Variants in BUB1B observed in about 807,000 individuals in gnomAD.
The protein encoded by BUB1B is BUB1 mitotic checkpoint serine/threonine kinase B.
A neutral mutation model predicts 137.7 loss-of-function variants in BUB1B; 86 were observed. That is an observed-to-expected ratio of 0.62 (90% CI 0.52 to 0.75). BUB1B has a LOEUF of 0.75. BUB1B is among the 30% of genes least tolerant of loss of function. BUB1B has a pLI of 0.00. For synonymous variants in BUB1B, 420 were observed against 417.9 expected, an observed-to-expected ratio of 1.00 and a Z score of -0.06; for missense variants, 1,130 against 1,236.9, an observed-to-expected ratio of 0.91 and a Z score of 1.30.
intron 2 of BUB1B, among the ~76,000 whole-genome samples, chr15:40,167,593 G>A (rs1472921565): frequency 6.6e-6 from 1 of 151,986 alleles, no homozygotes; most frequent in Non-Finnish European, 1.5e-5. Context: ...CGCCCGCCTC[G>A]GCCTCCCAGA....
intron 20 of BUB1B, 79 bp from the exon 21 acceptor site, chr15:40,217,417 C>T: frequency 1.7e-6 from 2 of 1,181,856 alleles, no homozygotes; most frequent in Non-Finnish European, 1.2e-6. Flanking sequence ...CCCAAGGTAC[C>T]TTTTTTTTTT....
chr15:40,183,828 C>A lies in BUB1B; in HGVS notation c.696C>A (p.Ser232Arg), dbSNP rs1341919179. ...GAAGCACACTAGCTGAACTAAAGAG[C>A]AAAGGGAAAAAGACAGCAAGAGCTC... ...PQRSTLAELK[S>R]KGKKTARAPI... Residue 232 changes from serine (S) to arginine (R), a missense_variant, in exon 6 of 23, where the codon AGC becomes AGA. By Grantham distance (110) the Ser-to-Arg change is moderately radical (BLOSUM62 -1). Coordinates refer to ENST00000287598, the MANE Select transcript of BUB1B (RefSeq NM_001211.6). 1 of 1,614,008 alleles carries A rather than the reference C, an allele frequency of 6.2e-7. No individual in the cohort carries two copies. The highest frequency in any genetic ancestry group is 1.7e-5 in the Admixed American group (1 of 60,016).
At chr15:40,166,472 T>C (rs2140879322) in intron 2 of BUB1B, 2 of 335,556 alleles carry the variant, frequency 6.0e-6, no homozygotes, top group Non-Finnish European at 1.1e-5. Context: ...CCTGAGTAGC[T>C]GGGACTACAG....
At chr15:40,184,960 G>A (rs2037340668) in intron 6 of BUB1B, among the ~76,000 whole-genome samples, 1 of 152,040 alleles carries the variant, frequency 6.6e-6, no homozygotes, top group African/African-American at 2.4e-5. Flanking sequence ...GGAAAAGAAG[G>A]CAGAATATAA....
At chr15:40,188,204 C>A (rs962019412) in intron 8 of BUB1B, among the ~76,000 whole-genome samples, 36 of 152,002 alleles carry the variant, frequency 2.4e-4, no homozygotes, top group African/African-American at 8.5e-4. Flanking sequence ...CGGGCCACCA[C>A]GCCCGGCTGA....
rs1802286 is a variant in BUB1B, at chr15:40,218,461, C to T, written c.2856C>T (p.Asp952=). Reference sequence around the variant, plus strand: ...GGTGCTTTTTGTGATTTCAGGTAGACCTGTTTGGTATAGCAGATTTAGCAC... The same window carrying T: ...GGTGCTTTTTGTGATTTCAGGTAGATCTGTTTGGTATAGCAGATTTAGCAC... ...LANCSSPYQV[D]LFGIADLAHL... Residue 952 remains aspartate, a synonymous_variant, in exon 22 of 23, where the codon GAC becomes GAT. Transcript: ENST00000287598. The T allele has an allele frequency of 0.025, 40,814 of 1,610,922 alleles. 653 individuals are homozygous for T. Among genetic ancestry groups the T allele is most frequent in the Non-Finnish European group, 0.027 (32,352 of 1,177,314 alleles).
intron 21 of BUB1B, among the ~76,000 whole-genome samples, chr15:40,218,224 G>A (rs1043962246): frequency 3.3e-5 from 5 of 152,214 alleles, no homozygotes; most frequent in Admixed American, 2.6e-4. Flanking sequence ...GAATGTGATA[G>A]TCCAAATATT....
At chr15:40,171,669 G>A (rs1325020676) in intron 4 of BUB1B, among the ~76,000 whole-genome samples, 2 of 152,134 alleles carry the variant, frequency 1.3e-5, no homozygotes, top group African/African-American at 2.4e-5. Flanking sequence ...CTGTGATTCT[G>A]GTATCCCTTT....
chr15:40,189,589 A>G (rs79036451), intron 8 of BUB1B, among the ~76,000 whole-genome samples: 3,283 of 152,298 alleles, frequency 0.022, 98 homozygotes, highest in African/African-American at 0.064. Flanking sequence ...TGGCTTCACA[A>G]CATTTTATTT....
chr15:40,165,971 G>A (rs1446831853), intron 2 of BUB1B, among the ~76,000 whole-genome samples: 1 of 151,736 alleles, frequency 6.6e-6, no homozygotes, highest in Non-Finnish European at 1.5e-5. Context: ...TCCCACCTCA[G>A]CCTCCCAAAT....
Position 40,200,294 on chromosome 15 carries a change from C to G in BUB1B, c.1452C>G (p.Ser484=). 6.2e-7 allele frequency: 1 copy of G among 1,613,830 alleles called. No individual in the cohort carries two copies. The highest frequency in any genetic ancestry group is 8.5e-7 in the Non-Finnish European group (1 of 1,179,900). The change falls in exon 11 of 23, where the codon TCC becomes TCG. Residue 484 remains serine, a synonymous_variant. Coordinates refer to ENST00000287598, the MANE Select transcript of BUB1B (RefSeq NM_001211.6). ...AGACAACTAAACTGCAAATTGCTTC[C>G]GAGTCTCAGAAAATACCAGGAATGA... is the stretch of plus-strand genomic sequence containing the variant. ...TKETTKLQIA[S]ESQKIPGMTL... is the part of the protein sequence containing the mutation.
At position 40,220,565 on chromosome 15, in the gene BUB1B, C is replaced by G. The variant is rs2037886014; in HGVS notation, c.2959C>G (p.Leu987Val). ...GGAAATGGTTTTATATATTTTTAGG[C>G]TAAAAGATGGTGAATTGTGGAATAA... ...FWKLSQNISELKDGELWNKFF... is the reference protein window; with the variant it reads ...FWKLSQNISEVKDGELWNKFF... Residue 987 changes from leucine to valine, a missense_variant and splice_region_variant, in exon 23 of 23, where the codon CTA becomes GTA. By Grantham distance (32) the Leu-to-Val change is conservative (BLOSUM62 1). Coordinates refer to ENST00000287598, the MANE Select transcript of BUB1B (RefSeq NM_001211.6). 6.2e-7 allele frequency: 1 copy of G among 1,614,032 alleles called. No individual in the cohort carries two copies. The highest frequency in any genetic ancestry group is 2.2e-5 in the East Asian group (1 of 44,874).
Position 40,197,008 on chromosome 15 carries a change from G to A in BUB1B, c.1288+234G>A, listed in dbSNP as rs141371164. 4.0e-3 allele frequency among the ~76,000 whole-genome samples: 614 copies of A among 152,312 alleles called. 5 individuals are homozygous for A. The highest frequency in any genetic ancestry group is 7.1e-3 in the Non-Finnish European group (485 of 68,032). ...CTGCCTTCCATGAAAACTCCTTGGGGTGTGGGGGCACTGAGTATGTTTAGA... is the reference window on the plus strand; with the variant it reads ...CTGCCTTCCATGAAAACTCCTTGGGATGTGGGGGCACTGAGTATGTTTAGA... On this transcript the variant is annotated intron_variant, in intron 9 of 22. Transcript: ENST00000287598.
Position 40,212,534 on chromosome 15 carries a change from C to A in BUB1B, c.2421C>A (p.Ile807=), listed in dbSNP as rs1003355350. 6.2e-7 allele frequency: 1 copy of A among 1,612,934 alleles called. No homozygotes were observed. The highest frequency in any genetic ancestry group is 1.1e-5 in the South Asian group (1 of 91,052). ...AACCTGTCCCATGGGACTTTTATAT[C>A]AACCTCAAGTTAAAGGAACGTTTAA... ...SSQPVPWDFY[I]NLKLKERLNE... The change falls in exon 19 of 23, where the codon ATC becomes ATA. Residue 807 remains isoleucine, a synonymous_variant. Coordinates refer to ENST00000287598, the MANE Select transcript of BUB1B (RefSeq NM_001211.6).
At chr15:40,166,364 G>A (rs1425494241) in intron 2 of BUB1B, 4 of 433,644 alleles carry the variant, frequency 9.2e-6, no homozygotes, top group Non-Finnish European at 1.8e-5. Flanking sequence ...TTTAGAGACG[G>A]AGTCTCGCTC....
intron 16 of BUB1B, among the ~76,000 whole-genome samples, chr15:40,209,411 G>A (rs193245761): frequency 2.0e-5 from 3 of 152,334 alleles, no homozygotes; most frequent in Non-Finnish European, 4.4e-5. Flanking sequence ...GCAACAGAGC[G>A]AGACTCCGTC....
At chr15:40,186,363 A>C (rs1431464884) in intron 8 of BUB1B, among the ~76,000 whole-genome samples, 1 of 148,224 alleles carries the variant, frequency 6.7e-6, no homozygotes, top group Admixed American at 6.7e-5. Context: ...AAGAAAAAGT[A>C]TAGTAGCTGG....
chr15:40,167,687 T>A (rs560808098), intron 2 of BUB1B, among the ~76,000 whole-genome samples: 1 of 152,302 alleles, frequency 6.6e-6, no homozygotes, highest in African/African-American at 2.4e-5. Context: ...TTTTCTTAAA[T>A]TTTTCCTTGT....
At chr15:40,189,452 G>A (rs1045971111) in intron 8 of BUB1B, among the ~76,000 whole-genome samples, 3 of 152,326 alleles carry the variant, frequency 2.0e-5, no homozygotes, top group East Asian at 1.9e-4. Flanking sequence ...GAGCCACTGC[G>A]TCCAGGCAGT....
Sources: allele counts gnomAD v4.1 joint callset (sites outside exome capture counted in the v4.1 genomes callset), GRCh38; gene constraint gnomAD v4.1.1; transcripts MANE v1.5; gene names NCBI Gene and HGNC (gene_info 2026-07-23, HGNC 2026-07-21).